NPC1: variants seen among roughly 807,000 people sequenced by gnomAD.
The protein encoded by NPC1 is Niemann-Pick C1 protein.
NPC1 carries 85 observed loss-of-function variants against 140.4 expected under a neutral mutation model. That is an observed-to-expected ratio of 0.61 (90% CI 0.51 to 0.72). The LOEUF (loss-of-function observed/expected upper bound fraction) is 0.72. Ranked by LOEUF, NPC1 falls within the 30% of genes least tolerant of loss-of-function variation. The probability of loss-of-function intolerance (pLI) is 0.00; values close to 1 mark genes in which losing one functional copy is unlikely to be tolerated. For synonymous variants in NPC1, 656 were observed against 624.8 expected (o/e 1.05, Z -0.74); for missense variants, 1,504 against 1,623.8 (o/e 0.93, Z 1.27).
chr18:23,513,487 TA>T (rs2057918300), intron 3 of NPC1, among the ~76,000 whole-genome samples: 1 of 152,250 alleles, frequency 6.6e-6, no homozygotes, highest in Admixed American at 6.5e-5. Context: ...CCATTGTGAA[TA>T]GTGCTGCTGT....
chr18:23,561,423 T>C lies in NPC1; in HGVS notation c.568A>G (p.Ile190Val). The C allele has an allele frequency of 6.2e-7, 1 of 1,614,162 alleles. No homozygotes were observed. The highest frequency in any genetic ancestry group is 8.5e-7 in the Non-Finnish European group (1 of 1,180,032). Residue 190 changes from isoleucine (I) to valine (V), a missense_variant, in exon 5 of 25, where the codon ATT becomes GTT. Ile to Val is a conservative substitution (Grantham distance 29). Coordinates refer to ENST00000269228, the MANE Select transcript of NPC1 (RefSeq NM_000271.5). ...DADACNATNWIEYMFNKDNGQ... is the reference protein window; with the variant it reads ...DADACNATNWVEYMFNKDNGQ... ...TTGTCCTTATTGAACATGTATTCAA[T>C]CCAGTTGGTGGCATTACAGGCGTCA...
chr18:23,541,433 C>G lies in NPC1; in HGVS notation c.2246G>C (p.Gly749Ala). Residue 749 changes from glycine (G) to alanine (A), a missense_variant and splice_region_variant, in exon 15 of 25, where the codon GGA (glycine) becomes GCA (alanine). Physicochemically the swap from Gly to Ala is moderately conservative, Grantham distance 60. Coordinates refer to ENST00000269228, the MANE Select transcript of NPC1 (RefSeq NM_000271.5). ...SFSETVAFFLGALSVMPAVHT... is the reference protein window; with the variant it reads ...SFSETVAFFLAALSVMPAVHT... ...CACGGCTGGCATCACGGACAATGCT[C>G]CTGTCGGGGAGAGAAGGGCTCTGCG... 2.5e-6 allele frequency: 4 copies of G among 1,614,208 alleles called. No homozygotes were observed. Among genetic ancestry groups the G allele is most frequent in the Non-Finnish European group, 3.4e-6 (4 of 1,180,050 alleles).
In NPC1 at chr18:23,554,812, C is replaced by T. The variant is rs748246747; in HGVS notation, c.1499G>A (p.Gly500Glu). The change falls in exon 9 of 25, where the codon GGG (glycine) becomes GAG (glutamate). Residue 500 changes from glycine to glutamate, a missense_variant. Coordinates refer to ENST00000269228, the MANE Select transcript of NPC1 (RefSeq NM_000271.5). ...NSHSVLDHKK[G>E]DDFFVYADYH... ...ATCGGCATACACAAAGAAGTCGTCC[C>T]CTTTCTTGTGGTCCAGCACGGAATG... is the stretch of plus-strand genomic sequence containing the variant. The T allele has an allele frequency of 6.2e-7, 1 of 1,614,012 alleles. No individual in the cohort carries two copies. Among genetic ancestry groups the T allele is most frequent in the Non-Finnish European group, 8.5e-7 (1 of 1,180,032 alleles).
At chr18:23,564,398 G>C (rs917928208) in intron 4 of NPC1, among the ~76,000 whole-genome samples, 1 of 151,928 alleles carries the variant, frequency 6.6e-6, no homozygotes, top group African/African-American at 2.4e-5. Context: ...GCTGGAGTGC[G>C]AGGTACTTAG....
chr18:23,510,281 C>T (rs1361221026), intron 3 of NPC1, among the ~76,000 whole-genome samples: 1 of 151,054 alleles, frequency 6.6e-6, no homozygotes, highest in Non-Finnish European at 1.5e-5. Context: ...GCCAAGATCA[C>T]AGCACTGCAC....
chr18:23,524,198 C>T lies in NPC1; in HGVS notation c.164-1292G>A, dbSNP rs777238935. ...CTGTATCCTTTACTAAGGTGTGGCA[C>T]CGTGCACAACAGGGCAAGTGGTCAC... On this transcript the variant is annotated intron_variant, in intron 1 of 1. Coordinates refer to the NPC1 transcript ENST00000590723. 2.5e-6 allele frequency: 4 copies of T among 1,612,320 alleles called. No individual in the cohort carries two copies. In the South Asian group the frequency reaches 4.4e-5, roughly 18 times the overall value.
At chr18:23,570,167 TAC>T (rs1456850735) in intron 3 of NPC1, among the ~76,000 whole-genome samples, 4 of 152,192 alleles carry the variant, frequency 2.6e-5, no homozygotes, top group African/African-American at 7.2e-5. Flanking sequence ...ACTCTTGGGG[TAC>T]ACAGTTTTCA....
chr18:23,516,354 T>C (rs1329664929), intron 3 of NPC1: 2 of 1,614,128 alleles, frequency 1.2e-6, no homozygotes, highest in Non-Finnish European at 1.7e-6. Context: ...AAATTTGAGA[T>C]TGAATTACCA....
Position 23,561,504 on chromosome 18 carries a change from C to T in NPC1, c.487G>A (p.Val163Met), listed in dbSNP as rs2059038720. 1 of 1,614,128 alleles carries T rather than the reference C, an allele frequency of 6.2e-7. No individual in the cohort carries two copies. The highest frequency in any genetic ancestry group is 8.5e-7 in the Non-Finnish European group (1 of 1,180,012). Residue 163 changes from valine to methionine, a missense_variant, in exon 5 of 25, where the codon GTG becomes ATG. Coordinates refer to ENST00000269228, the MANE Select transcript of NPC1 (RefSeq NM_000271.5). ...ANAMYNACRDVEAPSSNDKAL... is the reference protein window; with the variant it reads ...ANAMYNACRDMEAPSSNDKAL... ...TTGTCATTACTTGAGGGGGCCTCCA[C>T]ATCCCGGCAGGCATTGTACATTGCT... is the stretch of plus-strand genomic sequence containing the variant.
chr18:23,522,499 A>G (rs1488462885), exon 2 of NPC1: 3 of 152,216 alleles, frequency 2.0e-5, no homozygotes, highest in African/African-American at 7.2e-5. Context: ...TTTTAAGCTC[A>G]TCAGCTATTG....
rs754849769 is a variant in NPC1 at position 23,561,478 on chromosome 18, C to T, written c.513G>A (p.Lys171=). The T allele has an allele frequency of 1.1e-5, 18 of 1,614,032 alleles. No homozygotes were observed. The South Asian group carries it at 1.9e-4, about 17-fold the overall frequency. The change falls in exon 5 of 25, where the codon AAG becomes AAA. Residue 171 remains lysine, a synonymous_variant. Transcript: ENST00000269228. Reference sequence around the variant, plus strand: ...CCTTCCCACACAGGAGTCCCAGGGCCTTGTCATTACTTGAGGGGGCCTCCA... The same window carrying T: ...CCTTCCCACACAGGAGTCCCAGGGCTTTGTCATTACTTGAGGGGGCCTCCA... ...RDVEAPSSND[K]ALGLLCGKDA...
Position 23,544,343 on chromosome 18 carries a change from C to T in NPC1, c.2130+1G>A, listed in dbSNP as rs2058753286. 1 of 1,613,902 alleles carries T rather than the reference C, an allele frequency of 6.2e-7. No individual in the cohort carries two copies. The highest frequency in any genetic ancestry group is 8.5e-7 in the Non-Finnish European group (1 of 1,179,890). Reference sequence around the variant, plus strand: ...AGCCCTGTGAGAATATGGAAGTATACCTGGTAGGCCTGCACCAGAATGAAG... The same window carrying T: ...AGCCCTGTGAGAATATGGAAGTATATCTGGTAGGCCTGCACCAGAATGAAG... On this transcript the variant is annotated splice_donor_variant, in intron 13 of 24. Coordinates refer to ENST00000269228, the MANE Select transcript of NPC1 (RefSeq NM_000271.5). LOFTEE classifies it high-confidence loss of function.
intron 6 of NPC1, 60 bp downstream of exon 6, chr18:23,560,171 T>C: frequency 6.2e-7 from 1 of 1,608,216 alleles, no homozygotes; most frequent in Non-Finnish European, 8.5e-7. Context: ...AAATGAAAGC[T>C]CAAAGTGCCA....
At chr18:23,529,085 C>T (rs1598914368), downstream of NPC1, 1 of 1,516,692 alleles carries the variant, frequency 6.6e-7, no homozygotes, top group South Asian at 1.3e-5. Context: ...TATCCTGGGT[C>T]CACATCGAAG....
At chr18:23,525,682 C>G (rs2058278288), downstream of NPC1, among the ~76,000 whole-genome samples, 1 of 152,170 alleles carries the variant, frequency 6.6e-6, no homozygotes, top group South Asian at 2.1e-4. Context: ...CTCAGCCTCC[C>G]AAAGTGCTGG....
At chr18:23,560,103 C>T (rs1439357920) in intron 6 of NPC1, 128 bp downstream of exon 6, 2 of 1,114,582 alleles carry the variant, frequency 1.8e-6, no homozygotes, top group Non-Finnish European at 2.7e-6. Context: ...ACACAATAAT[C>T]CATGCAATGG....
At chr18:23,555,387 C>T (rs2058935430) in intron 8 of NPC1, among the ~76,000 whole-genome samples, 1 of 152,264 alleles carries the variant, frequency 6.6e-6, no homozygotes, top group South Asian at 2.1e-4. Flanking sequence ...GCACTACAGC[C>T]ATTTATATAT....
intron 9 of NPC1, 125 bp from the exon 10 acceptor site, chr18:23,551,852 T>C: frequency 1.0e-5 from 8 of 763,550 alleles, no homozygotes; most frequent in Non-Finnish European, 1.6e-5. Context: ...GGCCCTGAGG[T>C]TTCTCAGTTG....
At chr18:23,536,445 G>A (rs762333084) in intron 21 of NPC1, among the ~76,000 whole-genome samples, 3 of 152,158 alleles carry the variant, frequency 2.0e-5, no homozygotes, top group African/African-American at 4.8e-5. Context: ...GTGCAGTGGC[G>A]CAGAGATCAA....
Sources: gnomAD v4.1 joint callset for allele counts (sites outside exome capture counted in the v4.1 genomes callset) on GRCh38, gnomAD v4.1.1 for gene constraint, MANE v1.5 for transcripts, NCBI Gene and HGNC (gene_info 2026-07-23, HGNC 2026-07-21) for gene names.